IL4R: variants seen among roughly 807,000 people sequenced by gnomAD.
The protein encoded by IL4R is interleukin 4 receptor, also known as interleukin-4 receptor subunit alpha.
IL4R carries 17 observed loss-of-function variants against 41.5 expected under a neutral mutation model. The observed-to-expected ratio is 0.41, with a 90% CI of 0.28 to 0.61. IL4R has a LOEUF of 0.61. Ranked by LOEUF, IL4R falls within the 20% of genes least tolerant of loss-of-function variation. The pLI is 0.31. For synonymous variants in IL4R, 402 were observed against 422.9 expected (o/e 0.95, Z 0.61); for missense variants, 974 against 1,043.1 (o/e 0.93, Z 0.91).
intron 1 of IL4R, among the ~76,000 whole-genome samples, chr16:27,316,460 G>A (rs774319985): frequency 3.3e-5 from 5 of 152,214 alleles, no homozygotes; most frequent in Non-Finnish European, 4.4e-5. Context: ...CATCTGGGAC[G>A]ATGGAGGAGA....
At chr16:27,361,985 A>G (rs1248090366) in intron 10 of IL4R, among the ~76,000 whole-genome samples, 1 of 152,140 alleles carries the variant, frequency 6.6e-6, no homozygotes, top group Non-Finnish European at 1.5e-5. Context: ...CATCATCCAT[A>G]AAGACTTTTT....
At chr16:27,344,463 C>T (rs2085558456) in intron 4 of IL4R, among the ~76,000 whole-genome samples, 1 of 151,804 alleles carries the variant, frequency 6.6e-6, no homozygotes, top group African/African-American at 2.4e-5. Flanking sequence ...CTGGCCTAGC[C>T]CGTGAGATGT....
intron 2 of IL4R, among the ~76,000 whole-genome samples, chr16:27,333,287 C>G (rs1254337735): frequency 6.6e-6 from 1 of 151,410 alleles, no homozygotes; most frequent in African/African-American, 2.4e-5. Context: ...GCTGCTCAGT[C>G]AGATTTTCTT....
At chr16:27,346,688 G>A (rs1051720787) in intron 6 of IL4R, 70 bp downstream of exon 6, 1 of 1,545,176 alleles carries the variant, frequency 6.5e-7, no homozygotes, top group African/African-American at 1.4e-5. Flanking sequence ...CAGAGGCCCA[G>A]TCCCTGGAGC....
chr16:27,314,473 C>T (rs1186995586), intron 1 of IL4R, among the ~76,000 whole-genome samples: 2 of 152,242 alleles, frequency 1.3e-5, no homozygotes, highest in African/African-American at 4.8e-5. Context: ...GCGGTCTCCG[C>T]CTCCGAATAT....
chr16:27,348,105 T>C (rs1444763097), intron 6 of IL4R, among the ~76,000 whole-genome samples: 1 of 152,258 alleles, frequency 6.6e-6, no homozygotes, highest in East Asian at 1.9e-4. Flanking sequence ...GCTCCCATGC[T>C]GGTGTCTGTC....
chr16:27,329,676 CA>C (rs11327523), intron 1 of IL4R, among the ~76,000 whole-genome samples: 20,362 of 117,990 alleles, frequency 0.17, 1,456 homozygotes, highest in Non-Finnish European at 0.19. Context: ...ACCTCCGTCT[CA>C]AAAAAAAAAA....
intron 3 of IL4R, chr16:27,341,182 G>C (rs1314978383): frequency 1.4e-6 from 1 of 696,714 alleles, no homozygotes; most frequent in Non-Finnish European, 2.6e-6. Context: ...AGGTAGATTT[G>C]AGGACAGATT....
chr16:27,324,800 C>T (rs543863626), intron 1 of IL4R, among the ~76,000 whole-genome samples: 8 of 152,132 alleles, frequency 5.3e-5, no homozygotes, highest in East Asian at 3.9e-4. Context: ...CACAGTGCGC[C>T]GGAGCGCGTG....
At chr16:27,317,455 C>A (rs1312172614) in intron 1 of IL4R, among the ~76,000 whole-genome samples, 1 of 152,094 alleles carries the variant, frequency 6.6e-6, no homozygotes, top group Non-Finnish European at 1.5e-5. Flanking sequence ...CATGCCCAGC[C>A]ACGTTTAGCT....
intron 2 of IL4R, among the ~76,000 whole-genome samples, chr16:27,337,692 G>A (rs2085302044): frequency 6.6e-6 from 1 of 150,508 alleles, no homozygotes; most frequent in Non-Finnish European, 1.5e-5. Context: ...CGATTTTCCT[G>A]CCTCAGCCTC....
At position 27,346,645 on chromosome 16, in the gene IL4R, CTG is replaced by C. The variant is rs1294414908; in HGVS notation, c.513+30_513+31del. Reference sequence around the variant, plus strand: ...TGAGTGGGCATGCTTTGACGTTTTTCTGTGACCTCTGGGGAACAGGGTGGGTG... The same window carrying C: ...TGAGTGGGCATGCTTTGACGTTTTTCTGACCTCTGGGGAACAGGGTGGGTG... On this transcript the variant is annotated intron_variant, in intron 6 of 10. Transcript: ENST00000395762. The C allele has an allele frequency of 1.9e-6, 3 of 1,612,402 alleles. No individual in the cohort carries two copies. The African/African-American group carries it at 4.0e-5, about 21-fold the overall frequency.
At chr16:27,360,384 G>T (rs774537497) in intron 9 of IL4R, among the ~76,000 whole-genome samples, 5 of 152,196 alleles carry the variant, frequency 3.3e-5, no homozygotes, top group African/African-American at 9.7e-5. Context: ...CAGCAGGCCG[G>T]CCCAGGCTTG....
At position 27,363,567 on chromosome 16, in the gene IL4R, A is replaced by G. The variant is rs2141230259; in HGVS notation, c.2215A>G (p.Met739Val). Reference protein sequence around the residue: ...GQEDGGQTPVMASPCCGCCCG... With the variant: ...GQEDGGQTPVVASPCCGCCCG... Reference sequence around the variant, plus strand: ...GGAGGATGGTGGCCAGACCCCTGTCATGGCCAGTCCTTGCTGTGGCTGCTG... The same window carrying G: ...GGAGGATGGTGGCCAGACCCCTGTCGTGGCCAGTCCTTGCTGTGGCTGCTG... Residue 739 changes from methionine to valine, a missense_variant, in exon 11 of 11, where the codon ATG (methionine) becomes GTG (valine). This residue lies in a region of IL4R where 682 missense variants were observed against 704.3 expected (regional missense o/e 0.97). Transcript: ENST00000395762. The G allele has an allele frequency of 6.2e-7, 1 of 1,614,142 alleles. No individual in the cohort carries two copies. The highest frequency in any genetic ancestry group is 8.5e-7 in the Non-Finnish European group (1 of 1,180,006).
intron 10 of IL4R, 149 bp downstream of exon 10, chr16:27,360,964 G>T: frequency 6.5e-7 from 1 of 1,532,422 alleles, no homozygotes; most frequent in South Asian, 1.2e-5. Context: ...CAGGAGGAGG[G>T]GTGTTCTGGA....
chr16:27,313,815 G>C, upstream of IL4R: 2 of 680,324 alleles, frequency 2.9e-6, no homozygotes, highest in Non-Finnish European at 3.6e-6. Context: ...ACAGGGGCGC[G>C]AGGTGGCCGG....
chr16:27,363,018 C>G lies in IL4R; in HGVS notation c.1666C>G (p.Arg556Gly), dbSNP rs911092896. Residue 556 changes from arginine (R) to glycine (G), a missense_variant, in exon 11 of 11, where the codon CGA (arginine) becomes GGA (glycine). Transcript: ENST00000395762. ...AGAAACCTGGGAGCAGATCCTCCGCCGAAATGTCCTCCAGCATGGGGCAGC... is the reference window on the plus strand; with the variant it reads ...AGAAACCTGGGAGCAGATCCTCCGCGGAAATGTCCTCCAGCATGGGGCAGC... ...EPETWEQILRRNVLQHGAAAA... is the reference protein window; with the variant it reads ...EPETWEQILRGNVLQHGAAAA... The G allele has an allele frequency of 1.9e-6, 3 of 1,614,126 alleles. No homozygotes were observed. Among genetic ancestry groups the G allele is most frequent in the Admixed American group, 3.3e-5 (2 of 60,028 alleles).
rs187119227 is a variant in IL4R, at chr16:27,364,776, T to C, written c.*946T>C. 2.0e-5 allele frequency: 3 copies of C among 152,336 alleles called. No individual in the cohort carries two copies. The highest frequency in any genetic ancestry group is 7.2e-5 in the African/African-American group (3 of 41,570). 9.4% of individuals were successfully genotyped at this position (152,336 alleles called of 1,614,324 possible). On this transcript the variant is annotated 3_prime_UTR_variant, in exon 11 of 11. Transcript: ENST00000395762. ...GTATAAATAAAGTTTCTTTGTCTCT[T>C]TATTTTTTATGTATTAACCAAACAT...
At chr16:27,344,540 A>G (rs2085562197) in intron 4 of IL4R, among the ~76,000 whole-genome samples, 1 of 152,126 alleles carries the variant, frequency 6.6e-6, no homozygotes, top group Non-Finnish European at 1.5e-5. Context: ...TGCAGAGCTT[A>G]TGTTGTTCTA....
Sources: allele counts gnomAD v4.1 joint callset (sites outside exome capture counted in the v4.1 genomes callset), GRCh38; gene constraint gnomAD v4.1.1; regional missense constraint gnomAD v4.1.1; transcripts MANE v1.5; gene names NCBI Gene and HGNC (gene_info 2026-07-23, HGNC 2026-07-21).